The following MRPL19 variants were observed in gnomAD, a reference collection of about 807,000 sequenced individuals.
MRPL19 encodes the protein mitochondrial ribosomal protein L19.
A neutral mutation model predicts 34.0 loss-of-function variants in MRPL19; 31 were observed. That is an observed-to-expected ratio of 0.91 (90% CI 0.68 to 1.23). The LOEUF (loss-of-function observed/expected upper bound fraction) is 1.23, where lower values mean the gene tolerates loss of function less well. MRPL19 is among the 50% of genes most tolerant of loss of function. The pLI is 0.00. For missense variants in MRPL19, 384 were observed against 367.6 expected (o/e 1.04, Z -0.37); for synonymous variants, 152 against 127.7 (o/e 1.19, Z -1.28).
intron 2 of MRPL19, 76 bp downstream of exon 2, chr2:75,647,295 G>A: frequency 1.4e-6 from 2 of 1,392,774 alleles, no homozygotes; most frequent in South Asian, 2.7e-5. Flanking sequence ...CGAGGTCCCG[G>A]CTCTAAGGTG....
chr2:75,655,157 GA>G lies in MRPL19; in HGVS notation c.753del (p.Glu251AspfsTer4). On this transcript the variant is annotated frameshift_variant, in exon 6 of 6. Coordinates refer to ENST00000393909, the MANE Select transcript of MRPL19 (RefSeq NM_014763.4). LOFTEE classifies it high-confidence loss of function. ...KGIRFDLCLT[E>X]QQMKEAQKWN... ...AATCAGATTTGATCTTTGTTTAACT[GA>G]ACAGCAAATGAAAGAAGCTCAGAAG... 6.2e-7 allele frequency: 1 copy of G among 1,610,302 alleles called. No individual in the cohort carries two copies. Among genetic ancestry groups the G allele is most frequent in the Non-Finnish European group, 8.5e-7 (1 of 1,178,736 alleles).
At position 75,654,916 on chromosome 2, in the gene MRPL19, A is replaced by G; in HGVS notation, c.656A>G (p.Glu219Gly). The G allele has an allele frequency of 6.2e-7, 1 of 1,608,002 alleles. No homozygotes were observed. Among genetic ancestry groups the G allele is most frequent in the Non-Finnish European group, 8.5e-7 (1 of 1,177,292 alleles). The change falls in exon 5 of 6, where the codon GAG becomes GGG. Residue 219 changes from glutamate (E) to glycine (G), a missense_variant and splice_region_variant. Physicochemically the swap from Glu to Gly is moderately conservative, Grantham distance 98 (BLOSUM62 -2). Coordinates refer to ENST00000393909, the MANE Select transcript of MRPL19 (RefSeq NM_014763.4). ...QEPNQKVPVNELKVKMKPKPW... is the reference protein window; with the variant it reads ...QEPNQKVPVNGLKVKMKPKPW... ...CCTAACCAAAAAGTTCCTGTTAATGAGGTATGGGTTATACATTTGAAACTA... is the reference window on the plus strand; with the variant it reads ...CCTAACCAAAAAGTTCCTGTTAATGGGGTATGGGTTATACATTTGAAACTA...
chr2:75,658,850 A>T lies in MRPL19; in HGVS notation c.*3565A>T. Reference sequence around the variant, plus strand: ...AATGTGTTAAGGTTCTCTTTTTTTAAAAAAATTTTTGCACAGAGTATCTTT... The same window carrying T: ...AATGTGTTAAGGTTCTCTTTTTTTATAAAAATTTTTGCACAGAGTATCTTT... On this transcript the variant is annotated 3_prime_UTR_variant, in exon 6 of 6. Transcript: ENST00000393909. 6.6e-6 allele frequency among the ~76,000 whole-genome samples: 1 copy of T among 151,738 alleles called. No homozygotes were observed. The highest frequency in any genetic ancestry group is 2.4e-5 in the African/African-American group (1 of 41,132).
intron 2 of MRPL19, among the ~76,000 whole-genome samples, chr2:75,648,958 C>T (rs1678276020): frequency 6.6e-6 from 1 of 152,170 alleles, no homozygotes; most frequent in Non-Finnish European, 1.5e-5. Context: ...TAAGGGGGGC[C>T]TTCTGAAACT....
At position 75,657,354 on chromosome 2, in the gene MRPL19, A is replaced by G. The variant is rs780816707; in HGVS notation, c.*2069A>G. The G allele has an allele frequency of 1.3e-5, 2 of 151,684 alleles. No individual in the cohort carries two copies. Among genetic ancestry groups the G allele is most frequent in the Non-Finnish European group, 1.5e-5 (1 of 67,760 alleles). 9.4% of individuals were successfully genotyped at this position (151,684 alleles called of 1,614,324 possible). Reference sequence around the variant, plus strand: ...AGATTCCCTAGAATAGAGGCTTCCAATCTCCTTCCTGGAGGGGTCTGTCCA... The same window carrying G: ...AGATTCCCTAGAATAGAGGCTTCCAGTCTCCTTCCTGGAGGGGTCTGTCCA... On this transcript the variant is annotated 3_prime_UTR_variant, in exon 6 of 6. Coordinates refer to ENST00000393909, the MANE Select transcript of MRPL19 (RefSeq NM_014763.4).
rs1365914769 is a variant in MRPL19 at position 75,661,174 on chromosome 2, C to G, written c.*5889C>G. Reference sequence around the variant, plus strand: ...TCAAGACTGCTGCAACACCAGGGAGCTTGTGGGGGAAGGGCAAGCAGAAAT... The same window carrying G: ...TCAAGACTGCTGCAACACCAGGGAGGTTGTGGGGGAAGGGCAAGCAGAAAT... On this transcript the variant is annotated 3_prime_UTR_variant, in exon 6 of 6. Transcript: ENST00000393909. 6.6e-6 allele frequency: 1 copy of G among 152,138 alleles called. No homozygotes were observed. The highest frequency in any genetic ancestry group is 1.5e-5 in the Non-Finnish European group (1 of 68,036). 9.4% of individuals were successfully genotyped at this position (152,138 alleles called of 1,614,324 possible). A position where few individuals can be genotyped will look rare whatever the true frequency, so the allele number is the denominator to read the frequency against.
chr2:75,651,424 C>T, intron 2 of MRPL19: 10 of 537,458 alleles, frequency 1.9e-5, no homozygotes, highest in South Asian at 1.4e-4. Context: ...GGAGACCTAG[C>T]TGTCCTCTGG....
chr2:75,652,377 C>T (rs1258948371), intron 3 of MRPL19, 117 bp downstream of exon 3: 2 of 1,285,284 alleles, frequency 1.6e-6, no homozygotes, highest in African/African-American at 1.5e-5. Context: ...GGGTTATGCT[C>T]ATATGAAGTA....
chr2:75,649,395 CAT>C (rs1435918958), intron 2 of MRPL19, among the ~76,000 whole-genome samples: 2 of 152,068 alleles, frequency 1.3e-5, no homozygotes, highest in Non-Finnish European at 1.5e-5. Context: ...TTTCTTAAAA[CAT>C]ATGAGATTTT....
chr2:75,647,008 C>G, intron 1 of MRPL19, 94 bp from the exon 2 acceptor site: 3 of 1,480,070 alleles, frequency 2.0e-6, no homozygotes, highest in South Asian at 1.3e-5. Context: ...CAGCGTTGGT[C>G]CCCCGTGGGA....
chr2:75,649,942 A>C (rs1288784395), intron 2 of MRPL19, among the ~76,000 whole-genome samples: 1 of 152,186 alleles, frequency 6.6e-6, no homozygotes, highest in African/African-American at 2.4e-5. Flanking sequence ...GACATTTTCA[A>C]ATGGTTCAGA....
Position 75,646,864 on chromosome 2 carries a change from C to T in MRPL19, c.57C>T (p.Phe19=), listed in dbSNP as rs1197106393. 2 of 1,597,332 alleles carry T rather than the reference C, an allele frequency of 1.3e-6. No homozygotes were observed. The highest frequency in any genetic ancestry group is 2.3e-5 in the South Asian group (2 of 88,280). The change falls in exon 1 of 6, where the codon TTC becomes TTT. Residue 19 remains phenylalanine, a synonymous_variant. Transcript: ENST00000393909. ...CTGCAATGGGCCTAGGCCGGAGTTT[C>T]CAAGCCGCCAGGACTCTGCTCCCCC... The part of the protein sequence containing the change: ...HWAAMGLGRS[F]QAARTLLPPP...
rs1399251985 is a variant in MRPL19 at position 75,657,609 on chromosome 2, A to C, written c.*2324A>C. 2 of 152,176 alleles carry C rather than the reference A, an allele frequency of 1.3e-5. No homozygotes were observed. Among genetic ancestry groups the C allele is most frequent in the Non-Finnish European group, 2.9e-5 (2 of 68,020 alleles). The allele number at this position is 152,176 out of a possible 1,614,324, so 9.4% of individuals were successfully genotyped here. ...TCTTCTCTTTATCTTGTTAGAAGAT[A>C]GCTATTAAAACCTGTTCTTTTTCTG... On this transcript the variant is annotated 3_prime_UTR_variant, in exon 6 of 6. Transcript: ENST00000393909.
intron 2 of MRPL19, chr2:75,651,375 A>C (rs1045006812): frequency 3.7e-6 from 2 of 534,872 alleles, no homozygotes; most frequent in Non-Finnish European, 7.7e-6. Flanking sequence ...ATGACACCGC[A>C]TATGTACCTG....
Position 75,654,886 on chromosome 2 carries a change from A to C in MRPL19, c.626A>C (p.Gln209Pro). The stretch of plus-strand genomic sequence containing the variant: ...GATGTGAATATGAAGCCAGTAGTAC[A>C]AGAGCCTAACCAAAAAGTTCCTGTT... The part of the protein sequence containing the change: ...TFDVNMKPVV[Q>P]EPNQKVPVNE... Residue 209 changes from glutamine (Q) to proline (P), a missense_variant, in exon 5 of 6, where the codon CAA becomes CCA. Physicochemically the swap from Gln to Pro is moderately conservative, Grantham distance 76 (BLOSUM62 -1). Transcript: ENST00000393909. The C allele has an allele frequency of 6.2e-7, 1 of 1,613,716 alleles. No individual in the cohort carries two copies.
In MRPL19 at chr2:75,661,688, A is replaced by G. The variant is rs531329372; in HGVS notation, c.*6403A>G. 1 of 152,212 alleles carries G rather than the reference A, an allele frequency of 6.6e-6. No homozygotes were observed. Among genetic ancestry groups the G allele is most frequent in the East Asian group, 1.9e-4 (1 of 5,180 alleles). The allele number at this position is 152,212 out of a possible 1,614,324, so 9.4% of individuals were successfully genotyped here. ...AGGCTCCTATGTGCCGATGCTGTACAAGACATTTCATTTCTCTTAATGTTT... is the reference window on the plus strand; with the variant it reads ...AGGCTCCTATGTGCCGATGCTGTACGAGACATTTCATTTCTCTTAATGTTT... On this transcript the variant is annotated 3_prime_UTR_variant, in exon 6 of 6. Coordinates refer to ENST00000393909, the MANE Select transcript of MRPL19 (RefSeq NM_014763.4).
Position 75,648,684 on chromosome 2 carries a change from C to A in MRPL19, c.221+1465C>A, listed in dbSNP as rs1385603520. On this transcript the variant is annotated intron_variant, in intron 2 of 5. Coordinates refer to ENST00000393909, the MANE Select transcript of MRPL19 (RefSeq NM_014763.4). ...ACCAGCCTGGCCAACATGGCGAAACCCCCATTTCTACTAAAAGTACAAAAA... is the reference window on the plus strand; with the variant it reads ...ACCAGCCTGGCCAACATGGCGAAACACCCATTTCTACTAAAAGTACAAAAA... 7.3e-5 allele frequency among the ~76,000 whole-genome samples: 11 copies of A among 151,536 alleles called. 1 individual carries two copies. Among genetic ancestry groups the A allele is most frequent in the Non-Finnish European group, 1.6e-4 (11 of 67,912 alleles).
At position 75,654,717 on chromosome 2, in the gene MRPL19, T is replaced by C. The variant is rs780440337; in HGVS notation, c.476-19T>C. 43 of 1,610,154 alleles carry C rather than the reference T, an allele frequency of 2.7e-5. No homozygotes were observed. The highest frequency in any genetic ancestry group is 3.7e-5 in the Non-Finnish European group (43 of 1,177,714). On this transcript the variant is annotated intron_variant, in intron 4 of 5. Transcript: ENST00000393909. ...AACGTGGACTTAGATTGTAAGAATATGTTTTCTGTTCTATTTAGGTGTCGA... is the reference window on the plus strand; with the variant it reads ...AACGTGGACTTAGATTGTAAGAATACGTTTTCTGTTCTATTTAGGTGTCGA...
chr2:75,650,784 G>A (rs537365393), intron 2 of MRPL19, among the ~76,000 whole-genome samples: 29 of 152,312 alleles, frequency 1.9e-4, no homozygotes, highest in African/African-American at 6.7e-4. Flanking sequence ...GTCAAGGAGC[G>A]AAGAGCACTA....
Sources: gnomAD v4.1 joint callset for allele counts (sites outside exome capture counted in the v4.1 genomes callset) on GRCh38, gnomAD v4.1.1 for gene constraint, MANE v1.5 for transcripts, NCBI Gene and HGNC (gene_info 2026-07-23, HGNC 2026-07-21) for gene names.